The following NUP88 variants were observed in gnomAD, a reference collection of about 807,000 sequenced individuals.
NUP88 encodes the protein nucleoporin 88, also known as nuclear pore complex protein Nup88.
In NUP88, 57 loss-of-function variants were observed where a neutral mutation model predicts 93.9. The ratio of observed to expected loss-of-function variants is 0.61; its 90% CI spans 0.49 to 0.76. The LOEUF is 0.76. NUP88 is among the 30% of genes least tolerant of loss of function. The pLI is 0.00. For missense variants in NUP88, 911 were observed against 901.0 expected (o/e 1.01, Z -0.14); for synonymous variants, 346 against 336.8 (o/e 1.03, Z -0.30).
At position 5,394,989 on chromosome 17, in the gene NUP88, G is replaced by A; in HGVS notation, c.1292-8C>T. On this transcript the variant is annotated splice_region_variant and splice_polypyrimidine_tract_variant and intron_variant, in intron 8 of 16. Transcript: ENST00000573584. ...TATCCTTATCTTCTTCATCTACCATGGAAGACATTACATAAATGAAATGAT... is the reference window on the plus strand; with the variant it reads ...TATCCTTATCTTCTTCATCTACCATAGAAGACATTACATAAATGAAATGAT... The A allele has an allele frequency of 6.6e-7, 1 of 1,521,460 alleles. No individual in the cohort carries two copies. Among genetic ancestry groups the A allele is most frequent in the Non-Finnish European group, 9.1e-7 (1 of 1,095,578 alleles). The allele number at this position is 1,521,460 out of a possible 1,614,324, so 94.2% of individuals were successfully genotyped here. A position where few individuals can be genotyped will look rare whatever the true frequency, so the allele number is the denominator to read the frequency against.
At chr17:5,408,678 T>C in intron 5 of NUP88, 55 bp downstream of exon 5, 3 of 1,347,082 alleles carry the variant, frequency 2.2e-6, no homozygotes, top group Non-Finnish European at 3.0e-6. Flanking sequence ...CTCAATGATA[T>C]CTACTGGAGC....
At position 5,412,528 on chromosome 17, in the gene NUP88, T is replaced by TGTGTTC. The variant is rs1913896721; in HGVS notation, c.593+1480_593+1481insGAACAC. Among the ~76,000 whole-genome samples the TGTGTTC allele has an allele frequency of 2.6e-5, 4 of 152,298 alleles. No homozygotes were observed. The South Asian group carries it at 8.3e-4, about 32-fold the overall frequency. ...GGTCTTGGAACACACACCCTGCAGA[T>TGTGTTC]AAAGTATACTGTACCCCATCTTGAG... On this transcript the variant is annotated intron_variant, in intron 3 of 16. Transcript: ENST00000573584.
chr17:5,400,698 T>TA (rs1371738177), intron 7 of NUP88, among the ~76,000 whole-genome samples: 1 of 152,148 alleles, frequency 6.6e-6, no homozygotes, highest in Non-Finnish European at 1.5e-5. Flanking sequence ...TACATCGACT[T>TA]AAATAAAATT....
At chr17:5,403,495 A>T (rs1913291320) in intron 7 of NUP88, among the ~76,000 whole-genome samples, 1 of 152,048 alleles carries the variant, frequency 6.6e-6, no homozygotes, top group African/African-American at 2.4e-5. Flanking sequence ...TGAATAAATG[A>T]AATAAAAATA....
At chr17:5,416,402 G>A (rs1914153019) in intron 2 of NUP88, 111 bp downstream of exon 2, 1 of 666,982 alleles carries the variant, frequency 1.5e-6, no homozygotes. Context: ...AGACCACGAG[G>A]AGTGTTTTAA....
At chr17:5,403,102 G>A (rs1429919708) in intron 7 of NUP88, among the ~76,000 whole-genome samples, 1 of 152,202 alleles carries the variant, frequency 6.6e-6, no homozygotes, top group Non-Finnish European at 1.5e-5. Context: ...CAGTACTTCT[G>A]GAAGGCCGAG....
chr17:5,415,813 T>C (rs943666176), intron 2 of NUP88, among the ~76,000 whole-genome samples: 1 of 152,130 alleles, frequency 6.6e-6, no homozygotes, highest in Non-Finnish European at 1.5e-5. Flanking sequence ...TCAGTAGATC[T>C]TTCAGATTCA....
chr17:5,394,491 G>C (rs1211090793), intron 9 of NUP88, among the ~76,000 whole-genome samples: 1 of 152,150 alleles, frequency 6.6e-6, no homozygotes, highest in Admixed American at 6.5e-5. Context: ...AGTGGCGACA[G>C]ACATTAAAAA....
chr17:5,395,250 ACT>A (rs1317570366), intron 8 of NUP88, among the ~76,000 whole-genome samples: 1 of 152,142 alleles, frequency 6.6e-6, no homozygotes. Flanking sequence ...GCTTACCCAC[ACT>A]GATTTTATTT....
At position 5,386,286 on chromosome 17, in the gene NUP88, T is replaced by C; in HGVS notation, c.2163-17A>G. ...TGTTCACCCCTGTAAAATTGTAAAG[T>C]CACTCACTTTTGGAATTATAATAAA... On this transcript the variant is annotated splice_polypyrimidine_tract_variant and intron_variant, in intron 16 of 16. Coordinates refer to ENST00000573584, the MANE Select transcript of NUP88 (RefSeq NM_002532.6). The C allele has an allele frequency of 6.3e-7, 1 of 1,581,194 alleles. No individual in the cohort carries two copies. The highest frequency in any genetic ancestry group is 8.6e-7 in the Non-Finnish European group (1 of 1,157,656).
rs1038776599 is a variant in NUP88 at position 5,388,148 on chromosome 17, C to A, written c.1644-244G>T. ...CTCGAGTAGCTGGGATTACAGGTGCCCACCACCACGCCTGGCTAATTATTG... is the reference window on the plus strand; with the variant it reads ...CTCGAGTAGCTGGGATTACAGGTGCACACCACCACGCCTGGCTAATTATTG... On this transcript the variant is annotated intron_variant, in intron 11 of 16. Transcript: ENST00000573584. 20 of 293,520 alleles carry A rather than the reference C, an allele frequency of 6.8e-5. No individual in the cohort carries two copies. In the South Asian group the frequency reaches 9.7e-4, roughly 14 times the overall value. 18.2% of individuals were successfully genotyped at this position (293,520 alleles called of 1,614,324 possible).
At chr17:5,401,879 AC>A (rs2151641059) in intron 7 of NUP88, among the ~76,000 whole-genome samples, 1 of 152,352 alleles carries the variant, frequency 6.6e-6, no homozygotes, top group East Asian at 1.9e-4. Flanking sequence ...GTTAGATACC[AC>A]CCTATGCTAT....
intron 14 of NUP88, 67 bp from the exon 15 acceptor site, chr17:5,387,177 G>T: frequency 1.3e-6 from 2 of 1,548,494 alleles, no homozygotes; most frequent in Non-Finnish European, 1.8e-6. Flanking sequence ...ATAATCACAA[G>T]CTCATAATTC....
intron 7 of NUP88, among the ~76,000 whole-genome samples, chr17:5,399,950 C>T (rs992205297): frequency 6.6e-5 from 10 of 151,736 alleles, no homozygotes; most frequent in African/African-American, 2.2e-4. Context: ...TACATAAGAA[C>T]GTTATGTTTA....
At chr17:5,394,805 G>T in intron 9 of NUP88, 86 bp downstream of exon 9, 1 of 872,880 alleles carries the variant, frequency 1.1e-6, no homozygotes, top group Non-Finnish European at 1.9e-6. Flanking sequence ...TGAATACTGT[G>T]GATGTGAGTG....
chr17:5,419,263 A>C (rs1914429877), intron 1 of NUP88, 91 bp downstream of exon 1: 2 of 1,388,916 alleles, frequency 1.4e-6, no homozygotes, highest in South Asian at 3.2e-5. Flanking sequence ...AACGCCTGCC[A>C]CAAGATGAAA....
intron 1 of NUP88, among the ~76,000 whole-genome samples, chr17:5,418,958 G>T (rs564998317): frequency 6.6e-6 from 1 of 152,280 alleles, no homozygotes; most frequent in South Asian, 2.1e-4. Flanking sequence ...GTGGTGCTTT[G>T]AAACCTGCAA....
intron 3 of NUP88, among the ~76,000 whole-genome samples, chr17:5,413,042 T>C (rs1468171894): frequency 6.6e-6 from 1 of 152,236 alleles, no homozygotes; most frequent in Non-Finnish European, 1.5e-5. Flanking sequence ...GACATTCTTA[T>C]TTTCTTTAGA....
rs1914467475 is a variant in NUP88, at chr17:5,419,517, G to A, written c.134C>T (p.Ser45Leu). ...CGGCGGCGGCGACGAAGGCAACGAC[G>A]AAGAAGCTGGTTTCTCAGCTTCGGT... ...SPTEAEKPAS[S>L]SLPSSPPPQL... Residue 45 changes from serine (S) to leucine (L), a missense_variant, in exon 1 of 17, where the codon TCG (serine) becomes TTG (leucine). By Grantham distance (145) the Ser-to-Leu change is moderately radical. Coordinates refer to ENST00000573584, the MANE Select transcript of NUP88 (RefSeq NM_002532.6). The A allele has an allele frequency of 6.2e-7, 1 of 1,613,974 alleles. No homozygotes were observed. The highest frequency in any genetic ancestry group is 1.3e-5 in the African/African-American group (1 of 75,074).
Sources: allele counts gnomAD v4.1 joint callset (sites outside exome capture counted in the v4.1 genomes callset), GRCh38; gene constraint gnomAD v4.1.1; transcripts MANE v1.5; gene names NCBI Gene and HGNC (gene_info 2026-07-23, HGNC 2026-07-21).